ASIP: variants seen among roughly 807,000 people sequenced by gnomAD.
ASIP encodes agouti-signaling protein.
Under a neutral mutation model 10.3 loss-of-function variants are expected in ASIP, and 11 were observed. The ratio of observed to expected loss-of-function variants is 1.07; its 90% confidence interval spans 0.68 to 1.78. The LOEUF is 1.78. Ranked by LOEUF, ASIP falls within the 40% of genes most tolerant of loss-of-function variation. The probability of loss-of-function intolerance (pLI) is 0.00; values close to 1 mark genes in which losing one functional copy is unlikely to be tolerated. For missense variants in ASIP, 180 were observed against 169.2 expected, an observed-to-expected ratio of 1.06 and a Z score of -0.35; for synonymous variants, 70 against 70.8, an observed-to-expected ratio of 0.99 and a Z score of 0.06.
intron 1 of ASIP, chr20:34,250,055 C>T (rs553181827): frequency 6.6e-6 from 1 of 152,428 alleles, no homozygotes; most frequent in South Asian, 2.1e-4. Context: ...CCAGCTGATA[C>T]TTCTTGATCT....
In ASIP at chr20:34,260,424, T is replaced by A; in HGVS notation, c.50T>A (p.Phe17Tyr). Residue 17 changes from phenylalanine (F) to tyrosine (Y), a missense_variant, in exon 2 of 4, where the codon TTC (phenylalanine) becomes TAC (tyrosine). Coordinates refer to ENST00000374954, the MANE Select transcript of ASIP (RefSeq NM_001672.3). Reference sequence around the variant, plus strand: ...GCCACCCTGCTGGTCTTCCTCTGCTTCTTCACTGCCAACAGCCACCTGCCA... The same window carrying A: ...GCCACCCTGCTGGTCTTCCTCTGCTACTTCACTGCCAACAGCCACCTGCCA... ...LLATLLVFLCFFTANSHLPPE... is the reference protein window; with the variant it reads ...LLATLLVFLCYFTANSHLPPE... The A allele has an allele frequency of 6.2e-7, 1 of 1,614,064 alleles. No homozygotes were observed. The highest frequency in any genetic ancestry group is 8.5e-7 in the Non-Finnish European group (1 of 1,179,976).
At chr20:34,233,843 G>A (rs1046672450) in intron 1 of ASIP, among the ~76,000 whole-genome samples, 14 of 152,124 alleles carry the variant, frequency 9.2e-5, no homozygotes, top group African/African-American at 2.9e-4. Flanking sequence ...AAAGTCAACA[G>A]GAATGAGATA....
chr20:34,261,905 G>C (rs1361010592), intron 2 of ASIP, among the ~76,000 whole-genome samples: 1 of 152,148 alleles, frequency 6.6e-6, no homozygotes, highest in African/African-American at 2.4e-5. Flanking sequence ...CTGAGGTCAA[G>C]AGTTTGAGAC....
intron 1 of ASIP, among the ~76,000 whole-genome samples, chr20:34,221,876 G>A (rs1206334867): frequency 3.9e-5 from 6 of 152,136 alleles, no homozygotes; most frequent in East Asian, 1.9e-4. Flanking sequence ...TTGGGAGGCC[G>A]AGGTGGGTGG....
chr20:34,247,506 G>A (rs920437925), intron 1 of ASIP, among the ~76,000 whole-genome samples: 7 of 151,508 alleles, frequency 4.6e-5, no homozygotes, highest in Non-Finnish European at 7.4e-5. Flanking sequence ...CATCATGTTA[G>A]TCAGGCTGTC....
At chr20:34,267,459 CAAA>C (rs953440256) in intron 3 of ASIP, among the ~76,000 whole-genome samples, 3 of 46,276 alleles carry the variant, frequency 6.5e-5, no homozygotes, top group Admixed American at 2.6e-4. Flanking sequence ...AACTGGCTCT[CAAA>C]AAAAAAAAAA....
intron 1 of ASIP, among the ~76,000 whole-genome samples, chr20:34,259,268 G>A (rs1346950630): frequency 1.3e-4 from 20 of 151,564 alleles, no homozygotes; most frequent in Middle Eastern, 3.4e-3. Flanking sequence ...TATAGGCCAG[G>A]TGCAGTGGCA....
chr20:34,236,008 GAGAA>G lies in ASIP; in HGVS notation c.-10-24353_-10-24350del, dbSNP rs1410582551. ...GGAAAGAAGGAAGGAAGGAGAAAGA[GAGAA>G]AGAGAGAGAGAAGAAGAAAGAGAAA... On this transcript the variant is annotated intron_variant, in intron 1 of 3. Transcript: ENST00000568305. Among the ~76,000 whole-genome samples, 48 of 103,442 alleles carry G rather than the reference GAGAA, an allele frequency of 4.6e-4. 1 individual carries two copies. The highest frequency in any genetic ancestry group is 3.6e-3 in the African/African-American group (39 of 10,974). The allele number at this position is 103,442 out of a possible 152,430, so 67.9% of individuals were successfully genotyped here.
intron 1 of ASIP, among the ~76,000 whole-genome samples, chr20:34,226,082 C>T (rs1032327658): frequency 3.4e-5 from 5 of 147,292 alleles, no homozygotes; most frequent in African/African-American, 8.1e-5. Context: ...TTAGTAGAGA[C>T]GGGGTTTCAC....
intron 1 of ASIP, among the ~76,000 whole-genome samples, chr20:34,248,188 G>C (rs1166002373): frequency 6.6e-6 from 1 of 151,514 alleles, no homozygotes; most frequent in Non-Finnish European, 1.5e-5. Flanking sequence ...CCTGGTGACA[G>C]AGCAAGACTC....
At chr20:34,254,413 A>G (rs1216999295) in intron 1 of ASIP, among the ~76,000 whole-genome samples, 1 of 152,208 alleles carries the variant, frequency 6.6e-6, no homozygotes, top group Non-Finnish European at 1.5e-5. Context: ...TCTAATGAGT[A>G]ATAACAGCAA....
chr20:34,205,359 T>C (rs967646374), intron 1 of ASIP, among the ~76,000 whole-genome samples: 1 of 151,566 alleles, frequency 6.6e-6, no homozygotes, highest in South Asian at 2.1e-4. Flanking sequence ...CAGACCTTCG[T>C]GGTGAGTGTT....
At chr20:34,234,945 C>G (rs1223761285) in intron 1 of ASIP, 1 of 152,184 alleles carries the variant, frequency 6.6e-6, no homozygotes, top group South Asian at 2.1e-4. Context: ...TTGATTTAAT[C>G]TTGTGTTGTT....
upstream of ASIP, among the ~76,000 whole-genome samples, chr20:34,191,832 C>A (rs1344359340): frequency 6.7e-6 from 1 of 149,466 alleles, no homozygotes; most frequent in Non-Finnish European, 1.5e-5. Context: ...CAGGTTCAAA[C>A]GATTCTCCTG....
chr20:34,263,845 A>G (rs1172930766), intron 3 of ASIP, among the ~76,000 whole-genome samples: 1 of 151,350 alleles, frequency 6.6e-6, no homozygotes, highest in East Asian at 1.9e-4. Flanking sequence ...ATGTTTTTGT[A>G]TTTTTAGTAG....
intron 1 of ASIP, among the ~76,000 whole-genome samples, chr20:34,205,576 G>T (rs1568745954): frequency 1.4e-5 from 2 of 145,354 alleles, no homozygotes. Flanking sequence ...GACCCAAACG[G>T]GTTGCTGCTA....
At chr20:34,190,066 T>C (rs986205448), upstream of ASIP, among the ~76,000 whole-genome samples, 1 of 152,236 alleles carries the variant, frequency 6.6e-6, no homozygotes, top group African/African-American at 2.4e-5. Flanking sequence ...GGACCAGCTA[T>C]GCTCTTCACC....
chr20:34,227,524 G>A (rs989327745), intron 1 of ASIP, among the ~76,000 whole-genome samples: 2 of 151,790 alleles, frequency 1.3e-5, no homozygotes, highest in Non-Finnish European at 2.9e-5. Context: ...CCAGCTACTC[G>A]GGAGGCTAAG....
chr20:34,212,354 G>A (rs2034979940), intron 1 of ASIP, among the ~76,000 whole-genome samples: 1 of 151,976 alleles, frequency 6.6e-6, no homozygotes, highest in African/African-American at 2.4e-5. Context: ...CTTCAAATGT[G>A]CACACACATT....
Sources: allele counts gnomAD v4.1 joint callset (sites outside exome capture counted in the v4.1 genomes callset), GRCh38; gene constraint gnomAD v4.1.1; transcripts MANE v1.5; gene names NCBI Gene and HGNC (gene_info 2026-07-23, HGNC 2026-07-21).